Variants in ASB13 observed in about 807,000 individuals in gnomAD.
ASB13 encodes the protein ankyrin repeat and SOCS box protein 13.
ASB13 carries 33 observed loss-of-function variants against 28.8 expected under a neutral mutation model. That is an observed-to-expected ratio of 1.15 (90% CI 0.87 to 1.53). ASB13 has a LOEUF of 1.53. ASB13 is among the 40% of genes most tolerant of loss of function. The pLI, the probability that ASB13 is intolerant of heterozygous loss-of-function variation, is 0.00. For synonymous variants in ASB13, 182 were observed against 172.9 expected, an observed-to-expected ratio of 1.05 and a Z score of -0.41; for missense variants, 414 against 390.1, an observed-to-expected ratio of 1.06 and a Z score of -0.52.
Position 5,639,928 on chromosome 10 carries a change from A to G in ASB13, c.*775T>C, listed in dbSNP as rs1002622094. ...TTGAATGGCTCATTACCAAAACCTTAGTGGTACCGCCTACGTGTCCTCTAA... is the reference window on the plus strand; with the variant it reads ...TTGAATGGCTCATTACCAAAACCTTGGTGGTACCGCCTACGTGTCCTCTAA... On this transcript the variant is annotated 3_prime_UTR_variant, in exon 6 of 6. Transcript: ENST00000357700. 6.6e-6 allele frequency: 1 copy of G among 152,596 alleles called. No individual in the cohort carries two copies. The highest frequency in any genetic ancestry group is 1.9e-4 in the East Asian group (1 of 5,202). 9.5% of individuals were successfully genotyped at this position (152,596 alleles called of 1,614,324 possible).
chr10:5,663,069 G>A lies in ASB13; in HGVS notation c.43+3440C>T, dbSNP rs1156668340. On this transcript the variant is annotated intron_variant, in intron 1 of 5. Coordinates refer to ENST00000357700, the MANE Select transcript of ASB13 (RefSeq NM_024701.4). The surrounding 1 kb of genome is among the most constrained non-coding windows in gnomAD (Gnocchi z 4.9). ...TTTCATTATGAATCCCCAAAATATA[G>A]TTTGTCGGTAAACTTGAGGTCAAAC... Among the ~76,000 whole-genome samples the A allele has an allele frequency of 6.6e-6, 1 of 152,140 alleles. No homozygotes were observed. Among genetic ancestry groups the A allele is most frequent in the African/African-American group, 2.4e-5 (1 of 41,412 alleles).
At position 5,655,479 on chromosome 10, in the gene ASB13, G is replaced by A. The variant is rs536691280; in HGVS notation, c.44-2429C>T. Among the ~76,000 whole-genome samples, 2 of 152,362 alleles carry A rather than the reference G, an allele frequency of 1.3e-5. No homozygotes were observed. The highest frequency in any genetic ancestry group is 4.8e-5 in the African/African-American group (2 of 41,580). ...AGTGCTCAATAAACACTGTCTGTTT[G>A]TAGTATTTTTGCCTCCAATTGTAGC... On this transcript the variant is annotated intron_variant, in intron 1 of 5. Coordinates refer to ENST00000357700, the MANE Select transcript of ASB13 (RefSeq NM_024701.4). The surrounding 1 kb of genome is among the most constrained non-coding windows in gnomAD (Gnocchi z 6.2).
rs1834850722 is a variant in ASB13 at position 5,644,322 on chromosome 10, T to C, written c.518-2361A>G. On this transcript the variant is annotated intron_variant, in intron 4 of 5. Coordinates refer to ENST00000357700, the MANE Select transcript of ASB13 (RefSeq NM_024701.4). The surrounding 1 kb of genome is among the most constrained non-coding windows in gnomAD (Gnocchi z 5.1). ...CAGCCTGCGCAACATAGTGAGACCCTAGCTCTACAAAAATTTAAAAATTAC... is the reference window on the plus strand; with the variant it reads ...CAGCCTGCGCAACATAGTGAGACCCCAGCTCTACAAAAATTTAAAAATTAC... 6.6e-6 allele frequency among the ~76,000 whole-genome samples: 1 copy of C among 152,082 alleles called. No individual in the cohort carries two copies. The highest frequency in any genetic ancestry group is 6.5e-5 in the Admixed American group (1 of 15,268).
Position 5,649,094 on chromosome 10 carries a change from T to C in ASB13, c.393A>G (p.Glu131=). The change falls in exon 4 of 6, where the codon GAA becomes GAG. Residue 131 remains glutamate, a synonymous_variant. Transcript: ENST00000357700. The surrounding 1 kb of genome is among the most constrained non-coding windows in gnomAD (Gnocchi z 6.4). ...CGACGTCAATAAGAAGCCTCACACA[T>C]TCGGAACTCCCTTAAGATAAATGGA... ...LHEACMSGSS[E]CVRLLIDVGA... 6.2e-7 allele frequency: 1 copy of C among 1,614,164 alleles called. No homozygotes were observed.
At position 5,640,608 on chromosome 10, in the gene ASB13, C is replaced by T; in HGVS notation, c.*95G>A. The T allele has an allele frequency of 1.3e-6, 2 of 1,501,446 alleles. No homozygotes were observed. The highest frequency in any genetic ancestry group is 1.4e-5 in the African/African-American group (1 of 72,970). 93.0% of individuals were successfully genotyped at this position (1,501,446 alleles called of 1,614,324 possible). A position where few individuals can be genotyped will look rare whatever the true frequency, so the allele number is the denominator to read the frequency against. ...ACTCGAAGGAGCGTTGTTCTATCTA[C>T]AGCAATCACGCTGCTTCAGAGGAAC... On this transcript the variant is annotated 3_prime_UTR_variant, in exon 6 of 6. Transcript: ENST00000357700.
intron 4 of ASB13, among the ~76,000 whole-genome samples, chr10:5,646,755 A>G (rs1403860124): frequency 6.6e-6 from 1 of 152,124 alleles, no homozygotes; most frequent in Non-Finnish European, 1.5e-5. Context: ...TGCTTTAAAC[A>G]CTAAGTTGAT....
rs1356590585 is a variant in ASB13, at chr10:5,660,227, C to T, written c.43+6282G>A. Among the ~76,000 whole-genome samples the T allele has an allele frequency of 6.6e-6, 1 of 152,230 alleles. No homozygotes were observed. Among genetic ancestry groups the T allele is most frequent in the African/African-American group, 2.4e-5 (1 of 41,456 alleles). On this transcript the variant is annotated intron_variant, in intron 1 of 5. Transcript: ENST00000357700. This position sits in a 1 kb window ranked among gnomAD's most constrained non-coding sequence, Gnocchi z 6.1. ...CTACTGCAGACTACGGCAGACGTCA[C>T]CTTGAGAAGGAATGACACGTGCTTC...
At position 5,664,614 on chromosome 10, in the gene ASB13, G is replaced by A. The variant is rs557943087; in HGVS notation, c.43+1895C>T. Among the ~76,000 whole-genome samples, 21 of 152,296 alleles carry A rather than the reference G, an allele frequency of 1.4e-4. No homozygotes were observed. Among genetic ancestry groups the A allele is most frequent in the Non-Finnish European group, 2.8e-4 (19 of 68,022 alleles). On this transcript the variant is annotated intron_variant, in intron 1 of 5. Coordinates refer to ENST00000357700, the MANE Select transcript of ASB13 (RefSeq NM_024701.4). This position sits in a 1 kb window ranked among gnomAD's most constrained non-coding sequence, Gnocchi z 4.2. ...GGGGGAGTGGGGGAGCAGCCAGTAG[G>A]TTAGAGGTTCATCTACCACAGAAGG...
At chr10:5,646,584 C>T (rs186793200) in intron 4 of ASB13, among the ~76,000 whole-genome samples, 11 of 152,306 alleles carry the variant, frequency 7.2e-5, no homozygotes, top group African/African-American at 2.6e-4. Context: ...GGTGACACCA[C>T]GGAACCTCCG....
intron 1 of ASB13, among the ~76,000 whole-genome samples, chr10:5,654,637 G>GTT (rs1835043550): frequency 6.6e-6 from 1 of 152,238 alleles, no homozygotes; most frequent in Non-Finnish European, 1.5e-5. Flanking sequence ...AATGACAACA[G>GTT]TGCTGGATGA....
Position 5,649,466 on chromosome 10 carries a change from G to T in ASB13, c.383-362C>A, listed in dbSNP as rs1564217607. On this transcript the variant is annotated intron_variant, in intron 3 of 5. Transcript: ENST00000357700. The surrounding 1 kb of genome is among the most constrained non-coding windows in gnomAD (Gnocchi z 6.4). ...GTCAGCACTGAGCCCAGCCTCCCAG[G>T]AAACCCCCCAGACTTTCTTATGCAG... Among the ~76,000 whole-genome samples, 1 of 151,626 alleles carries T rather than the reference G, an allele frequency of 6.6e-6. No individual in the cohort carries two copies. Among genetic ancestry groups the T allele is most frequent in the East Asian group, 1.9e-4 (1 of 5,170 alleles).
Position 5,659,666 on chromosome 10 carries a change from C to A in ASB13, c.44-6616G>T, listed in dbSNP as rs566440003. 1.3e-5 allele frequency among the ~76,000 whole-genome samples: 2 copies of A among 150,312 alleles called. No homozygotes were observed. Among genetic ancestry groups the A allele is most frequent in the South Asian group, 2.1e-4 (1 of 4,782 alleles). Reference sequence around the variant, plus strand: ...CTCCCGAGCATGCAGCCCACCCCCCCACGCCATCTCCACACTATTGCCCCA... The same window carrying A: ...CTCCCGAGCATGCAGCCCACCCCCCAACGCCATCTCCACACTATTGCCCCA... On this transcript the variant is annotated intron_variant, in intron 1 of 5. Transcript: ENST00000357700. This position sits in a 1 kb window ranked among gnomAD's most constrained non-coding sequence, Gnocchi z 5.8.
chr10:5,651,470 G>A lies in ASB13; in HGVS notation c.232-107C>T, dbSNP rs1214554178. 1.5e-5 allele frequency: 19 copies of A among 1,290,380 alleles called. No homozygotes were observed. The highest frequency in any genetic ancestry group is 1.3e-4 in the African/African-American group (9 of 66,828). 79.9% of individuals were successfully genotyped at this position (1,290,380 alleles called of 1,614,324 possible). The stretch of plus-strand genomic sequence containing the variant: ...TGCTAAGATGCTTCTTAGAAGCACC[G>A]GTTTGCTTTGCTATTATGTGCTAGG... On this transcript the variant is annotated intron_variant, in intron 2 of 5. Transcript: ENST00000357700. The surrounding 1 kb of genome is among the most constrained non-coding windows in gnomAD (Gnocchi z 5.1).
rs1405285394 is a variant in ASB13, at chr10:5,658,408, G to A, written c.44-5358C>T. Among the ~76,000 whole-genome samples, 1 of 151,240 alleles carries A rather than the reference G, an allele frequency of 6.6e-6. No individual in the cohort carries two copies. Among genetic ancestry groups the A allele is most frequent in the African/African-American group, 2.4e-5 (1 of 41,056 alleles). ...ATCGTGCCATTGCACTACGGCCTGG[G>A]TGACTTTGTCTGAAAAAAAAAAAAA... On this transcript the variant is annotated intron_variant, in intron 1 of 5. Transcript: ENST00000357700. This position sits in a 1 kb window ranked among gnomAD's most constrained non-coding sequence, Gnocchi z 4.2.
Position 5,650,309 on chromosome 10 carries a change from A to G in ASB13, c.382+904T>C, listed in dbSNP as rs117384905. Among the ~76,000 whole-genome samples the G allele has an allele frequency of 7.2e-5, 11 of 152,330 alleles. No individual in the cohort carries two copies. In the East Asian group the frequency reaches 2.1e-3, roughly 29 times the overall value. The stretch of plus-strand genomic sequence containing the variant: ...GTCTATCTGCACATGGAGGACCACT[A>G]AATGAACCTTCCCCAAATTCTGTTT... On this transcript the variant is annotated intron_variant, in intron 3 of 5. Coordinates refer to ENST00000357700, the MANE Select transcript of ASB13 (RefSeq NM_024701.4). This position sits in a 1 kb window ranked among gnomAD's most constrained non-coding sequence, Gnocchi z 6.0.
Position 5,640,756 on chromosome 10 carries a change from T to A in ASB13, c.784A>T (p.Ile262Phe). The change falls in exon 6 of 6, where the codon ATT becomes TTT. Residue 262 changes from isoleucine (I) to phenylalanine (F), a missense_variant. Coordinates refer to ENST00000357700, the MANE Select transcript of ASB13 (RefSeq NM_024701.4). ...KATGVRGLEK[I>F]AKLNIPPRLI... is the part of the protein sequence containing the mutation. Reference sequence around the variant, plus strand: ...CGGGGCGGGATGTTTAACTTGGCAATCTTCTCCAGCCCTCGGACGCCAGTG... The same window carrying A: ...CGGGGCGGGATGTTTAACTTGGCAAACTTCTCCAGCCCTCGGACGCCAGTG... 1.2e-6 allele frequency: 2 copies of A among 1,614,100 alleles called. No homozygotes were observed. The highest frequency in any genetic ancestry group is 1.7e-6 in the Non-Finnish European group (2 of 1,180,018).
intron 1 of ASB13, among the ~76,000 whole-genome samples, chr10:5,653,294 C>CGA (rs1835018891): frequency 1.3e-5 from 2 of 152,240 alleles, no homozygotes; most frequent in African/African-American, 4.8e-5. Flanking sequence ...GTCCACCTCC[C>CGA]ACCCCTGCCC....
chr10:5,652,913 G>A lies in ASB13; in HGVS notation c.181C>T (p.Leu61=). ...DSITPLHAAS[L]QGQARCVQLL... The stretch of plus-strand genomic sequence containing the variant: ...TGCACACACCGCGCCTGGCCCTGCA[G>A]ACTGGCTGCGTGCAGGGGCGTGATG... Residue 61 remains leucine (L), a synonymous_variant, in exon 2 of 6, where the codon CTG becomes TTG. Coordinates refer to ENST00000357700, the MANE Select transcript of ASB13 (RefSeq NM_024701.4). The surrounding 1 kb of genome is among the most constrained non-coding windows in gnomAD (Gnocchi z 5.0). 1 of 1,584,462 alleles carries A rather than the reference G, an allele frequency of 6.3e-7. No individual in the cohort carries two copies. The highest frequency in any genetic ancestry group is 8.6e-7 in the Non-Finnish European group (1 of 1,165,944).
intron 4 of ASB13, among the ~76,000 whole-genome samples, chr10:5,648,759 CAGG>C (rs1834934079): frequency 4.1e-5 from 6 of 147,876 alleles, no homozygotes; most frequent in Non-Finnish European, 9.1e-5. Flanking sequence ...AACACCCACT[CAGG>C]CAAACACCCA....
Sources: gnomAD v4.1 joint callset for allele counts (sites outside exome capture counted in the v4.1 genomes callset) on GRCh38, gnomAD v4.1.1 for gene constraint, Gnocchi (gnomAD v3.1) non-coding constraint, MANE v1.5 for transcripts, NCBI Gene and HGNC (gene_info 2026-07-23, HGNC 2026-07-21) for gene names.